Variants in RBM20 observed in about 807,000 individuals in gnomAD.
The protein encoded by RBM20 is RNA-binding protein 20.
Under a neutral mutation model 110.1 loss-of-function variants are expected in RBM20, and 51 were observed. The observed-to-expected ratio is 0.46, with a 90% confidence interval of 0.37 to 0.59. The LOEUF (loss-of-function observed/expected upper bound fraction) is 0.59, where lower values mean the gene tolerates loss of function less well. Ranked by LOEUF, RBM20 falls within the 20% of genes least tolerant of loss-of-function variation. RBM20 has a pLI of 0.00. For synonymous variants in RBM20, 589 were observed against 618.2 expected, an observed-to-expected ratio of 0.95 and a Z score of 0.70; for missense variants, 1,512 against 1,574.9, an observed-to-expected ratio of 0.96 and a Z score of 0.68.
chr10:110,737,186 A>AAAAAAAAAAAAAAAAAAAAAAAAAAC (rs1564830182), intron 1 of RBM20, among the ~76,000 whole-genome samples: 3 of 140,136 alleles, frequency 2.1e-5, no homozygotes, highest in Non-Finnish European at 4.6e-5. Context: ...TCAAAAAAAA[A>AAAAAAAAAAAAAAAAAAAAAAAAAAC]AAAAAAAAAA....
intron 1 of RBM20, among the ~76,000 whole-genome samples, chr10:110,754,609 TA>T (rs1404620183): frequency 6.6e-6 from 1 of 152,260 alleles, no homozygotes; most frequent in African/African-American, 2.4e-5. Flanking sequence ...CTATTGTTTT[TA>T]ATCTTTTGCC....
At chr10:110,823,868 C>T (rs1380828728) in intron 12 of RBM20, among the ~76,000 whole-genome samples, 7 of 150,082 alleles carry the variant, frequency 4.7e-5, no homozygotes, top group South Asian at 2.1e-4. Flanking sequence ...CAGGTACACA[C>T]CACCAGGCCC....
chr10:110,711,041 T>C (rs1862918187), intron 1 of RBM20, among the ~76,000 whole-genome samples: 3 of 151,766 alleles, frequency 2.0e-5, no homozygotes, highest in Non-Finnish European at 4.4e-5. Flanking sequence ...CCCAAGACCA[T>C]GGAGGACTTG....
chr10:110,770,132 G>A (rs955546241), intron 1 of RBM20, among the ~76,000 whole-genome samples: 5 of 152,146 alleles, frequency 3.3e-5, no homozygotes, highest in African/African-American at 9.7e-5. Flanking sequence ...ACATGTTCAC[G>A]CTCCACCCCC....
intron 11 of RBM20, among the ~76,000 whole-genome samples, chr10:110,822,996 G>A (rs1336270320): frequency 6.6e-6 from 1 of 152,148 alleles, no homozygotes; most frequent in African/African-American, 2.4e-5. Flanking sequence ...GTCTCAACAT[G>A]TGCCAGTGTT....
rs148264514 is a variant in RBM20, at chr10:110,829,429, A to T, written c.3452-1632A>T. 7.9e-3 allele frequency among the ~76,000 whole-genome samples: 1,206 copies of T among 152,100 alleles called. 17 individuals carry two copies. The highest frequency in any genetic ancestry group is 0.028 in the African/African-American group (1,152 of 41,492). ...GAGTGAGGCCCTCTCACTTCTGGGGACCACTGCTGAGGGCATGGCGTGTAG... is the reference window on the plus strand; with the variant it reads ...GAGTGAGGCCCTCTCACTTCTGGGGTCCACTGCTGAGGGCATGGCGTGTAG... On this transcript the variant is annotated intron_variant, in intron 12 of 13. Coordinates refer to ENST00000369519, the MANE Select transcript of RBM20 (RefSeq NM_001134363.3).
chr10:110,821,477 T>C lies in RBM20; in HGVS notation c.2858T>C (p.Leu953Ser), dbSNP rs1363162720. Residue 953 changes from leucine to serine, a missense_variant, in exon 11 of 14, where the codon TTA becomes TCA. Leu to Ser is a moderately radical substitution (Grantham distance 145). Coordinates refer to ENST00000369519, the MANE Select transcript of RBM20 (RefSeq NM_001134363.3). ...PETCLCVTTT[L>S]DLDLAQDFPK... Reference sequence around the variant, plus strand: ...ACATGTCTGTGTGTGACAACCACCTTAGACTTAGACCTGGCCCAGGATTTC... The same window carrying C: ...ACATGTCTGTGTGTGACAACCACCTCAGACTTAGACCTGGCCCAGGATTTC... The C allele has an allele frequency of 1.2e-5, 19 of 1,551,902 alleles. 2 individuals carry two copies. The East Asian group carries it at 4.6e-4, about 38-fold the overall frequency.
chr10:110,666,131 G>A (rs948881100), intron 1 of RBM20, among the ~76,000 whole-genome samples: 2 of 152,088 alleles, frequency 1.3e-5, no homozygotes, highest in Non-Finnish European at 2.9e-5. Context: ...GAAGGGGGGT[G>A]CAAAATAAAC....
rs2058827550 is a variant in RBM20, at chr10:110,838,257, A to G, written c.*2279A>G. On this transcript the variant is annotated 3_prime_UTR_variant, in exon 14 of 14. Transcript: ENST00000369519. ...ATTCTAGAATCAAAAATAAAGGCCA[A>G]CTAAGATCTTCAAAGTAAATTTGTT... 1 of 152,238 alleles carries G rather than the reference A, an allele frequency of 6.6e-6. No homozygotes were observed. Among genetic ancestry groups the G allele is most frequent in the Non-Finnish European group, 1.5e-5 (1 of 68,042 alleles). 9.4% of individuals were successfully genotyped at this position (152,238 alleles called of 1,614,324 possible).
At chr10:110,826,351 G>A (rs1410446757) in intron 12 of RBM20, among the ~76,000 whole-genome samples, 2 of 152,040 alleles carry the variant, frequency 1.3e-5, no homozygotes, top group Non-Finnish European at 2.9e-5. Context: ...ATCAAGACTG[G>A]GAACAATGTT....
In RBM20 at chr10:110,821,352, G is replaced by A; in HGVS notation, c.2733G>A (p.Val911=). 1 of 1,551,732 alleles carries A rather than the reference G, an allele frequency of 6.4e-7. No homozygotes were observed. Among genetic ancestry groups the A allele is most frequent in the Non-Finnish European group, 8.7e-7 (1 of 1,146,986 alleles). Residue 911 remains valine, a synonymous_variant, in exon 11 of 14, where the codon GTG becomes GTA. Transcript: ENST00000369519. ...YPTNMEELVT[V]DEVGEEEDFI... ...CTAACATGGAGGAGCTGGTGACAGT[G>A]GACGAGGTTGGGGAAGAAGAAGATT...
In RBM20 at chr10:110,644,367, C is replaced by A. The variant is rs1861834042; in HGVS notation, c.-88C>A. ...CCGGGAAGGACAAGGGGACTGGGCA[C>A]GGGGACCCCGGCCAGTGAGCGCCCG... On this transcript the variant is annotated 5_prime_UTR_variant, in exon 1 of 14. Coordinates refer to ENST00000369519, the MANE Select transcript of RBM20 (RefSeq NM_001134363.3). This position sits in a 1 kb window ranked among gnomAD's most constrained non-coding sequence, Gnocchi z 4.3. 2 of 1,118,750 alleles carry A rather than the reference C, an allele frequency of 1.8e-6. No homozygotes were observed. Among genetic ancestry groups the A allele is most frequent in the African/African-American group, 1.6e-5 (1 of 60,764 alleles). The allele number at this position is 1,118,750 out of a possible 1,614,324, so 69.3% of individuals were successfully genotyped here.
intron 1 of RBM20, among the ~76,000 whole-genome samples, chr10:110,721,405 G>T (rs1177354312): frequency 6.6e-6 from 1 of 152,174 alleles, no homozygotes; most frequent in Non-Finnish European, 1.5e-5. Flanking sequence ...TCCCTCCAGT[G>T]GGCCTCGGAG....
intron 1 of RBM20, among the ~76,000 whole-genome samples, chr10:110,684,424 CAAAAGA>C (rs1158948912): frequency 1.3e-5 from 2 of 151,106 alleles, no homozygotes; most frequent in African/African-American, 4.9e-5. Context: ...CAAAACAAAA[CAAAAGA>C]AAAAGAAAAA....
intron 1 of RBM20, among the ~76,000 whole-genome samples, chr10:110,665,713 G>T (rs150455677): frequency 6.6e-6 from 1 of 152,148 alleles, no homozygotes; most frequent in African/African-American, 2.4e-5. Flanking sequence ...GAATAGTGAG[G>T]TTAAAGAATT....
chr10:110,727,412 T>TAAAAAAAA (rs753041080), intron 1 of RBM20, among the ~76,000 whole-genome samples: 7 of 68,918 alleles, frequency 1.0e-4, no homozygotes, highest in African/African-American at 4.0e-4. Context: ...AAAATAAAAA[T>TAAAAAAAA]AAAAAAAAAA....
At chr10:110,799,592 T>C (rs1410771099) in intron 6 of RBM20, among the ~76,000 whole-genome samples, 195 bp from the exon 7 acceptor site, 2 of 152,226 alleles carry the variant, frequency 1.3e-5, no homozygotes, top group Non-Finnish European at 2.9e-5. Flanking sequence ...ATTTCCAGAA[T>C]GTCAGGTTTC....
In RBM20 at chr10:110,821,572, C is replaced by T. The variant is rs555981231; in HGVS notation, c.2953C>T (p.Pro985Ser). The change falls in exon 11 of 14, where the codon CCC (proline) becomes TCC (serine). Residue 985 changes from proline (P) to serine (S), a missense_variant. Physicochemically the swap from Pro to Ser is moderately conservative, Grantham distance 74. This residue lies in a region of RBM20 where 358 missense variants were observed against 384.2 expected (regional missense o/e 0.93). Coordinates refer to ENST00000369519, the MANE Select transcript of RBM20 (RefSeq NM_001134363.3). ...CAGCCTCAAGTCACCCAGAGAACTG[C>T]CCTCTGCTTCCACAAGCTGTCCCAG... is the stretch of plus-strand genomic sequence containing the variant. ...EISLKSPREL[P>S]SASTSCPSDM... 4.4e-5 allele frequency: 68 copies of T among 1,550,892 alleles called. No homozygotes were observed. The South Asian group carries it at 7.5e-4, about 17-fold the overall frequency.
intron 1 of RBM20, among the ~76,000 whole-genome samples, chr10:110,724,641 A>T (rs1235708360): frequency 1.3e-5 from 2 of 152,086 alleles, no homozygotes; most frequent in Admixed American, 6.5e-5. Flanking sequence ...GCTGGGCCAT[A>T]TCGTTGCCCT....
Sources: allele counts gnomAD v4.1 joint callset (sites outside exome capture counted in the v4.1 genomes callset), GRCh38; gene constraint gnomAD v4.1.1; regional missense constraint gnomAD v4.1.1; non-coding constraint Gnocchi (gnomAD v3.1); transcripts MANE v1.5; gene names NCBI Gene and HGNC (gene_info 2026-07-23, HGNC 2026-07-21).